The following HDAC9 variants were observed in gnomAD, a reference collection of about 807,000 sequenced individuals.
The protein encoded by HDAC9 is histone deacetylase 9, also known as MEF-2 interacting transcription repressor (MITR) protein.
A neutral mutation model predicts 139.4 loss-of-function variants in HDAC9; 41 were observed. That is an observed-to-expected ratio of 0.29 (90% CI 0.23 to 0.38). The LOEUF is 0.38. Among genes scored for constraint, HDAC9 ranks in the 10% least tolerant of loss-of-function variants. The pLI is 1.00. For missense variants in HDAC9, 1,147 were observed against 1,297.0 expected, an observed-to-expected ratio of 0.88 and a Z score of 1.78; for synonymous variants, 517 against 476.2, an observed-to-expected ratio of 1.09 and a Z score of -1.12.
At chr7:18,408,293 T>C (rs934058542) in intron 1 of HDAC9, among the ~76,000 whole-genome samples, 1 of 152,196 alleles carries the variant, frequency 6.6e-6, no homozygotes, top group Non-Finnish European at 1.5e-5. Flanking sequence ...TACATAATTC[T>C]TGAGTTATAG....
At chr7:18,437,962 CAG>C (rs1554417164) in intron 1 of HDAC9, among the ~76,000 whole-genome samples, 3 of 151,418 alleles carry the variant, frequency 2.0e-5, no homozygotes, top group African/African-American at 7.3e-5. Flanking sequence ...CACACACACA[CAG>C]ACACACACAC....
At chr7:18,851,632 C>T (rs1389207668) in intron 21 of HDAC9, among the ~76,000 whole-genome samples, 1 of 152,142 alleles carries the variant, frequency 6.6e-6, no homozygotes, top group Non-Finnish European at 1.5e-5. Flanking sequence ...TCCCATGAAA[C>T]TGCGTTTTTA....
chr7:18,278,132 T>C (rs1796867981), intron 2 of HDAC9, among the ~76,000 whole-genome samples: 1 of 152,202 alleles, frequency 6.6e-6, no homozygotes, highest in Admixed American at 6.5e-5. Flanking sequence ...GTTCCACTTC[T>C]GGATATTTTG....
intron 1 of HDAC9, among the ~76,000 whole-genome samples, chr7:18,356,694 G>T (rs1783335314): frequency 6.6e-6 from 1 of 152,156 alleles, no homozygotes; most frequent in East Asian, 1.9e-4. Context: ...GAATAAAACC[G>T]GTATTTGCAC....
chr7:18,138,199 T>C (rs1785584755), intron 1 of HDAC9, among the ~76,000 whole-genome samples: 1 of 152,152 alleles, frequency 6.6e-6, no homozygotes, highest in South Asian at 2.1e-4. Flanking sequence ...TCTCTCTTTT[T>C]TTCTTTATTA....
intron 4 of HDAC9, 89 bp from the exon 5 acceptor site, chr7:18,591,427 A>C (rs1830911094): frequency 7.0e-7 from 1 of 1,425,162 alleles, no homozygotes; most frequent in Non-Finnish European, 9.2e-7. Context: ...AATATTCTAG[A>C]GGCATGAGAG....
chr7:18,973,311 C>G (rs539248162), intron 24 of HDAC9, among the ~76,000 whole-genome samples: 1 of 152,116 alleles, frequency 6.6e-6, no homozygotes, highest in African/African-American at 2.4e-5. Flanking sequence ...CCATGTTAGC[C>G]ACCATAGAAA....
At chr7:18,419,016 G>A (rs931687164) in intron 1 of HDAC9, among the ~76,000 whole-genome samples, 9 of 152,080 alleles carry the variant, frequency 5.9e-5, no homozygotes, top group South Asian at 4.1e-4. Context: ...AGGGACAATG[G>A]CACATGTCTG....
At chr7:18,776,500 G>A (rs1790777843) in intron 16 of HDAC9, among the ~76,000 whole-genome samples, 1 of 151,926 alleles carries the variant, frequency 6.6e-6, no homozygotes, top group African/African-American at 2.4e-5. Flanking sequence ...ATACAGTACT[G>A]AACAAAACAG....
chr7:18,096,846 A>G (rs1782536055), intron 1 of HDAC9, among the ~76,000 whole-genome samples: 1 of 151,942 alleles, frequency 6.6e-6, no homozygotes, highest in South Asian at 2.1e-4. Context: ...AGTGCCTAAT[A>G]AATGTTCTGA....
chr7:18,270,373 A>T (rs1388902408), intron 2 of HDAC9, among the ~76,000 whole-genome samples: 3 of 151,920 alleles, frequency 2.0e-5, no homozygotes, highest in African/African-American at 7.3e-5. Context: ...ATTTCCTGTT[A>T]TTGGTAGAAC....
intron 16 of HDAC9, among the ~76,000 whole-genome samples, chr7:18,777,736 T>C (rs574525616): frequency 3.9e-5 from 6 of 152,026 alleles, no homozygotes; most frequent in Non-Finnish European, 7.4e-5. Context: ...CCCAGTGGTA[T>C]TCAGAGGATT....
intron 2 of HDAC9, among the ~76,000 whole-genome samples, chr7:18,194,121 G>GGC (rs946413345): frequency 1.3e-5 from 2 of 152,128 alleles, no homozygotes; most frequent in Non-Finnish European, 2.9e-5. Flanking sequence ...AATCTTATTA[G>GGC]TGGGTCTAGA....
intron 2 of HDAC9, among the ~76,000 whole-genome samples, chr7:18,507,403 C>G (rs560148562): frequency 1.6e-3 from 242 of 151,728 alleles, no homozygotes; most frequent in African/African-American, 5.7e-3. Flanking sequence ...CCATGTTAGA[C>G]AGGATGGTCT....
intron 1 of HDAC9, among the ~76,000 whole-genome samples, chr7:18,485,120 G>C (rs2128130748): frequency 6.6e-6 from 1 of 152,162 alleles, no homozygotes; most frequent in Non-Finnish European, 1.5e-5. Context: ...TTAGTTGGGG[G>C]GAACACATTG....
chr7:18,417,958 C>CT (rs991955348), intron 1 of HDAC9, among the ~76,000 whole-genome samples: 2 of 152,170 alleles, frequency 1.3e-5, no homozygotes, highest in Non-Finnish European at 2.9e-5. Context: ...AATCTCAGCT[C>CT]TGTTTCCTCA....
chr7:18,612,048 G>T (rs972442596), intron 6 of HDAC9, among the ~76,000 whole-genome samples: 3 of 152,094 alleles, frequency 2.0e-5, no homozygotes, highest in African/African-American at 7.2e-5. Flanking sequence ...CTGAGAAATT[G>T]TAAATGTCAT....
intron 1 of HDAC9, among the ~76,000 whole-genome samples, chr7:18,302,233 A>T (rs1798585274): frequency 6.6e-6 from 1 of 152,216 alleles, no homozygotes; most frequent in Non-Finnish European, 1.5e-5. Flanking sequence ...CTTAATTGAC[A>T]CTTGTGACAT....
chr7:18,467,987 T>G (rs1340524871), intron 1 of HDAC9, among the ~76,000 whole-genome samples: 1 of 152,170 alleles, frequency 6.6e-6, no homozygotes, highest in Non-Finnish European at 1.5e-5. Context: ...TCTGTTTTTT[T>G]CTTCATGGTT....
Sources: gnomAD v4.1 joint callset for allele counts (sites outside exome capture counted in the v4.1 genomes callset) on GRCh38, gnomAD v4.1.1 for gene constraint, MANE v1.5 for transcripts, NCBI Gene and HGNC (gene_info 2026-07-23, HGNC 2026-07-21) for gene names.